Variants in FHIT observed in about 807,000 individuals in gnomAD.
FHIT encodes the protein fragile histidine triad diadenosine triphosphatase.
FHIT carries 19 observed loss-of-function variants against 17.9 expected under a neutral mutation model. That is an observed-to-expected ratio of 1.06 (90% CI 0.74 to 1.56). The LOEUF (loss-of-function observed/expected upper bound fraction) is 1.56, where lower values mean the gene tolerates loss of function less well. FHIT is among the 40% of genes most tolerant of loss of function. FHIT has a pLI of 0.00. For missense variants in FHIT, 248 were observed against 189.2 expected (o/e 1.31, Z -1.82); for synonymous variants, 81 against 69.7 (o/e 1.16, Z -0.81).
At chr3:60,405,239 T>C (rs1701808938) in intron 5 of FHIT, among the ~76,000 whole-genome samples, 1 of 152,204 alleles carries the variant, frequency 6.6e-6, no homozygotes, top group Admixed American at 6.5e-5. Flanking sequence ...CCTTCACCTA[T>C]TTAACATATA....
At chr3:60,019,123 C>T (rs1046596275) in intron 5 of FHIT, among the ~76,000 whole-genome samples, 4 of 152,208 alleles carry the variant, frequency 2.6e-5, no homozygotes, top group African/African-American at 7.2e-5. Flanking sequence ...GGCTCAGCTG[C>T]ATCCACTAGG....
chr3:60,075,964 G>T (rs1702989262), intron 5 of FHIT, among the ~76,000 whole-genome samples: 1 of 152,072 alleles, frequency 6.6e-6, no homozygotes, highest in African/African-American at 2.4e-5. Flanking sequence ...ACAGCTACGT[G>T]TGAGTTCTGA....
intron 3 of FHIT, among the ~76,000 whole-genome samples, chr3:61,015,562 T>C (rs1238817325): frequency 6.6e-6 from 1 of 152,226 alleles, no homozygotes; most frequent in Admixed American, 6.5e-5. Context: ...CACTATGGCT[T>C]TCTGTTTGTT....
chr3:60,777,007 G>T (rs1402988461), intron 4 of FHIT, among the ~76,000 whole-genome samples: 6 of 152,140 alleles, frequency 3.9e-5, no homozygotes, highest in African/African-American at 1.4e-4. Flanking sequence ...AGCATAACGA[G>T]GTTTTCCTAA....
intron 5 of FHIT, among the ~76,000 whole-genome samples, chr3:60,101,472 C>G (rs1704188007): frequency 6.6e-6 from 1 of 152,222 alleles, no homozygotes; most frequent in Non-Finnish European, 1.5e-5. Flanking sequence ...AAAGTCCTCT[C>G]TACCTATGCT....
At chr3:60,655,261 G>C (rs900582264) in intron 4 of FHIT, among the ~76,000 whole-genome samples, 1 of 152,192 alleles carries the variant, frequency 6.6e-6, no homozygotes, top group African/African-American at 2.4e-5. Context: ...CTGTTACTTT[G>C]CACTACAGGT....
chr3:60,498,846 T>A (rs543913238), intron 5 of FHIT, among the ~76,000 whole-genome samples: 3 of 151,200 alleles, frequency 2.0e-5, no homozygotes, highest in East Asian at 1.9e-4. Context: ...AAAAAAAAAA[T>A]AAAAGTGGTT....
intron 5 of FHIT, among the ~76,000 whole-genome samples, chr3:60,220,061 G>T (rs1703892824): frequency 6.6e-6 from 1 of 152,100 alleles, no homozygotes; most frequent in South Asian, 2.1e-4. Flanking sequence ...AGAATTACAA[G>T]TCAGGATAGA....
chr3:60,684,665 A>T (rs146552389), intron 4 of FHIT, among the ~76,000 whole-genome samples: 1 of 151,884 alleles, frequency 6.6e-6, no homozygotes, highest in Non-Finnish European at 1.5e-5. Context: ...TACAAATTCC[A>T]TTGCGCATCC....
intron 5 of FHIT, among the ~76,000 whole-genome samples, chr3:60,021,683 CA>C (rs887626937): frequency 1.3e-5 from 2 of 152,020 alleles, no homozygotes; most frequent in Non-Finnish European, 2.9e-5. Flanking sequence ...AAGTTGAGGC[CA>C]AAAAAGTTTA....
At chr3:61,110,500 A>C (rs1288274754) in intron 2 of FHIT, among the ~76,000 whole-genome samples, 1 of 151,888 alleles carries the variant, frequency 6.6e-6, no homozygotes, top group Non-Finnish European at 1.5e-5. Context: ...TCACTTTCTA[A>C]CCCAATATCC....
intron 8 of FHIT, among the ~76,000 whole-genome samples, chr3:59,755,723 C>G (rs1374858): frequency 0.011 from 1,734 of 152,256 alleles, 34 homozygotes; most frequent in African/African-American, 0.04. Flanking sequence ...AGGTTACACA[C>G]CAAACGGCTG....
chr3:60,571,335 C>CAAA lies in FHIT; in HGVS notation c.-17-34359_-17-34357dup, dbSNP rs56094072. On this transcript the variant is annotated intron_variant, in intron 4 of 9. Coordinates refer to ENST00000492590, the MANE Select transcript of FHIT (RefSeq NM_002012.4). ...TGGGCAACAGGGCAAGACTCCATCG[C>CAAA]AAAAAAAAAAAAAAAAAAAAAAAAA... is the stretch of plus-strand genomic sequence containing the variant. Among the ~76,000 whole-genome samples, 92 of 54,572 alleles carry CAAA rather than the reference C, an allele frequency of 1.7e-3. 2 individuals carry two copies. Among genetic ancestry groups the CAAA allele is most frequent in the African/African-American group, 3.2e-3 (41 of 12,878 alleles). The allele number at this position is 54,572 out of a possible 152,430, so 35.8% of individuals were successfully genotyped here.
At chr3:59,782,844 C>A (rs1221245347) in intron 8 of FHIT, among the ~76,000 whole-genome samples, 1 of 152,060 alleles carries the variant, frequency 6.6e-6, no homozygotes, top group Non-Finnish European at 1.5e-5. Flanking sequence ...TCACTACCAT[C>A]TTCTAAAAAC....
intron 4 of FHIT, among the ~76,000 whole-genome samples, chr3:60,631,064 G>A (rs1485551493): frequency 5.3e-5 from 8 of 151,910 alleles, no homozygotes; most frequent in African/African-American, 1.9e-4. Flanking sequence ...AGAGGAGGCA[G>A]ATAACTTTGA....
chr3:61,004,816 C>A (rs749639173), intron 3 of FHIT, among the ~76,000 whole-genome samples: 37 of 152,114 alleles, frequency 2.4e-4, no homozygotes, highest in Non-Finnish European at 4.0e-4. Flanking sequence ...ATCAATCAGC[C>A]GCCAACCGCA....
chr3:60,918,113 G>C (rs1553767494), intron 3 of FHIT, among the ~76,000 whole-genome samples: 1 of 152,180 alleles, frequency 6.6e-6, no homozygotes, highest in African/African-American at 2.4e-5. Context: ...TTATAAATGG[G>C]AGTTCCCCTG....
chr3:60,120,683 T>A (rs1284710373), intron 5 of FHIT, among the ~76,000 whole-genome samples: 1 of 152,120 alleles, frequency 6.6e-6, no homozygotes, highest in East Asian at 1.9e-4. Context: ...AAATATTCAA[T>A]ATCATCTTCA....
At chr3:60,539,883 A>G (rs1291112115) in intron 4 of FHIT, among the ~76,000 whole-genome samples, 1 of 152,068 alleles carries the variant, frequency 6.6e-6, no homozygotes, top group Non-Finnish European at 1.5e-5. Flanking sequence ...TGGTACATGT[A>G]TACATATGTA....
Sources: allele counts gnomAD v4.1 joint callset (sites outside exome capture counted in the v4.1 genomes callset), GRCh38; gene constraint gnomAD v4.1.1; transcripts MANE v1.5; gene names NCBI Gene and HGNC (gene_info 2026-07-23, HGNC 2026-07-21).